MEIS2: variants seen among roughly 807,000 people sequenced by gnomAD.
The protein encoded by MEIS2 is Meis homeobox 2, also known as homeobox protein Meis2.
A neutral mutation model predicts 58.6 loss-of-function variants in MEIS2; 9 were observed. The observed-to-expected ratio is 0.15, with a 90% CI of 0.09 to 0.27. The LOEUF is 0.27. MEIS2 is among the 10% of genes least tolerant of loss of function. MEIS2 has a pLI of 1.00. For missense variants in MEIS2, 427 were observed against 635.0 expected (o/e 0.67, Z 3.52); for synonymous variants, 221 against 228.4 (o/e 0.97, Z 0.29).
At chr15:37,042,480 C>T (rs2062469789) in intron 7 of MEIS2, among the ~76,000 whole-genome samples, 1 of 152,198 alleles carries the variant, frequency 6.6e-6, no homozygotes, top group South Asian at 2.1e-4. Flanking sequence ...GCCACAGCTA[C>T]ACATGGTCAA....
chr15:37,040,047 GT>G (rs11393172), intron 7 of MEIS2, among the ~76,000 whole-genome samples: 149 of 144,996 alleles, frequency 1.0e-3, no homozygotes, highest in Admixed American at 1.9e-3. Flanking sequence ...GGATATTGGT[GT>G]TTTTTTTTTT....
intron 8 of MEIS2, among the ~76,000 whole-genome samples, chr15:37,004,510 G>A (rs907478149): frequency 4.6e-5 from 7 of 152,176 alleles, no homozygotes; most frequent in African/African-American, 1.7e-4. Flanking sequence ...CAGAATAATA[G>A]AACTGGAAAT....
Position 36,892,381 on chromosome 15 carries a change from G to A in MEIS2, c.1226C>T (p.Pro409Leu), listed in dbSNP as rs2055913784. ...AGTAGGGTGTGGGGTCATCTGGGGA[G>A]GAGTGTAACTTGGCTGTGCCATACT... ...GMSMAQPSYTPPQMTPHPTQL... is the reference protein window; with the variant it reads ...GMSMAQPSYTLPQMTPHPTQL... Residue 409 changes from proline (P) to leucine (L), a missense_variant, in exon 12 of 12, where the codon CCT (proline) becomes CTT (leucine). Physicochemically the swap from Pro to Leu is moderately conservative, Grantham distance 98. Coordinates refer to ENST00000561208, the MANE Select transcript of MEIS2 (RefSeq NM_170675.5). 1.2e-6 allele frequency: 2 copies of A among 1,613,960 alleles called. No homozygotes were observed. Among genetic ancestry groups the A allele is most frequent in the African/African-American group, 1.3e-5 (1 of 74,984 alleles).
intron 8 of MEIS2, among the ~76,000 whole-genome samples, chr15:37,019,528 T>C (rs952327198): frequency 2.6e-5 from 4 of 152,168 alleles, no homozygotes; most frequent in African/African-American, 9.7e-5. Context: ...CGACACCACT[T>C]CTTCAATTAA....
At chr15:36,905,465 T>G (rs1247120406) in intron 9 of MEIS2, among the ~76,000 whole-genome samples, 1 of 152,150 alleles carries the variant, frequency 6.6e-6, no homozygotes, top group East Asian at 1.9e-4. Context: ...ACTAATCACC[T>G]ACCTCCTCCA....
chr15:37,052,600 C>T (rs1446142817), intron 7 of MEIS2, among the ~76,000 whole-genome samples: 1 of 152,174 alleles, frequency 6.6e-6, no homozygotes. Flanking sequence ...TTACTATCGG[C>T]CAATTATGGC....
chr15:36,957,583 C>A (rs762169192), intron 8 of MEIS2, among the ~76,000 whole-genome samples: 7 of 152,188 alleles, frequency 4.6e-5, no homozygotes, highest in Non-Finnish European at 1.0e-4. Context: ...TTCCACAGTG[C>A]TTTCTTTCCT....
At chr15:36,970,169 C>A (rs1324474291) in intron 8 of MEIS2, among the ~76,000 whole-genome samples, 1 of 152,046 alleles carries the variant, frequency 6.6e-6, no homozygotes, top group Non-Finnish European at 1.5e-5. Flanking sequence ...TTTGGGAGGC[C>A]AAGGCGGGAG....
intron 8 of MEIS2, among the ~76,000 whole-genome samples, chr15:37,005,186 C>T (rs1014175349): frequency 1.3e-5 from 2 of 152,288 alleles, no homozygotes; most frequent in African/African-American, 4.8e-5. Context: ...AACGCATGCC[C>T]TCACCATGAT....
chr15:37,061,042 G>C (rs1261356718), intron 7 of MEIS2, among the ~76,000 whole-genome samples: 1 of 152,112 alleles, frequency 6.6e-6, no homozygotes, highest in African/African-American at 2.4e-5. Context: ...TTTTAAATAG[G>C]CATGGTTAGG....
At chr15:37,019,558 C>T (rs976241665) in intron 8 of MEIS2, among the ~76,000 whole-genome samples, 2 of 152,152 alleles carry the variant, frequency 1.3e-5, no homozygotes, top group South Asian at 2.1e-4. Flanking sequence ...CATTCAGGAA[C>T]TTAAAGTAAA....
intron 8 of MEIS2, among the ~76,000 whole-genome samples, chr15:36,995,364 T>C (rs1248400707): frequency 2.0e-5 from 3 of 152,144 alleles, no homozygotes; most frequent in African/African-American, 7.2e-5. Context: ...AAATGAACTA[T>C]GAAAGTGCCT....
At chr15:37,077,281 A>G (rs1201227546) in intron 7 of MEIS2, among the ~76,000 whole-genome samples, 1 of 152,024 alleles carries the variant, frequency 6.6e-6, no homozygotes, top group East Asian at 1.9e-4. Context: ...TCTGAATGGC[A>G]CTGTAAACTC....
At chr15:36,981,904 T>C (rs980505542) in intron 8 of MEIS2, among the ~76,000 whole-genome samples, 30 of 152,104 alleles carry the variant, frequency 2.0e-4, no homozygotes, top group Non-Finnish European at 2.9e-5. Context: ...GAACTGCTGA[T>C]TCTTGGGCCT....
chr15:37,063,986 G>A lies in MEIS2; in HGVS notation c.754+19785C>T, dbSNP rs74008843. On this transcript the variant is annotated intron_variant, in intron 7 of 11. Transcript: ENST00000561208. ...AACTGGTCAAGATTTGAAACAAAAC[G>A]ATTTTTTTGTCCCATATATGAAAAA... Among the ~76,000 whole-genome samples, 644 of 152,234 alleles carry A rather than the reference G, an allele frequency of 4.2e-3. 2 individuals carry two copies. The highest frequency in any genetic ancestry group is 0.013 in the African/African-American group (533 of 41,556).
chr15:36,970,113 C>G (rs1420706690), intron 8 of MEIS2, among the ~76,000 whole-genome samples: 1 of 152,048 alleles, frequency 6.6e-6, no homozygotes, highest in Admixed American at 6.6e-5. Flanking sequence ...TTTAAAAATG[C>G]AAACATTTGG....
intron 9 of MEIS2, among the ~76,000 whole-genome samples, chr15:36,915,415 G>T (rs2057233173): frequency 1.3e-5 from 2 of 152,084 alleles, no homozygotes; most frequent in Admixed American, 1.3e-4. Flanking sequence ...ATTATTATGG[G>T]GATTTAGTTT....
In MEIS2 at chr15:37,026,817, C is replaced by T. The variant is rs528836593; in HGVS notation, c.900+9997G>A. Among the ~76,000 whole-genome samples the T allele has an allele frequency of 2.0e-5, 3 of 152,214 alleles. No individual in the cohort carries two copies. In the East Asian group the frequency reaches 5.8e-4, roughly 29 times the overall value. ...CAGATTCAACAAATATTCATGTTATCTATTATAACCAAGAAGTAAAACTAT... is the reference window on the plus strand; with the variant it reads ...CAGATTCAACAAATATTCATGTTATTTATTATAACCAAGAAGTAAAACTAT... On this transcript the variant is annotated intron_variant, in intron 8 of 11. Transcript: ENST00000561208.
At chr15:37,080,216 G>A (rs969429685) in intron 7 of MEIS2, among the ~76,000 whole-genome samples, 17 of 151,830 alleles carry the variant, frequency 1.1e-4, no homozygotes, top group Admixed American at 9.2e-4. Context: ...TATTCATTGC[G>A]GCTGAACCCA....
Sources: allele counts gnomAD v4.1 joint callset (sites outside exome capture counted in the v4.1 genomes callset), GRCh38; gene constraint gnomAD v4.1.1; transcripts MANE v1.5; gene names NCBI Gene and HGNC (gene_info 2026-07-23, HGNC 2026-07-21).